Variants in ZNF804B observed in about 807,000 individuals in gnomAD.
The protein encoded by ZNF804B is zinc finger protein 804B, also known as zinc finger 804B.
A neutral mutation model predicts 101.4 loss-of-function variants in ZNF804B; 80 were observed. The observed-to-expected ratio is 0.79, with a 90% CI of 0.66 to 0.95. The LOEUF (loss-of-function observed/expected upper bound fraction) is 0.95, where lower values mean the gene tolerates loss of function less well. Ranked by LOEUF, ZNF804B falls within the 40% of genes least tolerant of loss-of-function variation. The probability of loss-of-function intolerance (pLI) is 0.00; values close to 1 mark genes in which losing one functional copy is unlikely to be tolerated. For synonymous variants in ZNF804B, 622 were observed against 558.8 expected (o/e 1.11, Z -1.59); for missense variants, 1,673 against 1,561.9 (o/e 1.07, Z -1.20).
At chr7:89,142,686 G>A (rs1405121741) in intron 1 of ZNF804B, among the ~76,000 whole-genome samples, 1 of 152,022 alleles carries the variant, frequency 6.6e-6, no homozygotes. Flanking sequence ...CCATTCAGTG[G>A]AAAGTTAGTT....
chr7:89,130,785 A>G (rs1790535524), intron 1 of ZNF804B, among the ~76,000 whole-genome samples: 2 of 152,018 alleles, frequency 1.3e-5, no homozygotes, highest in African/African-American at 2.4e-5. Flanking sequence ...AATGACAGGA[A>G]TAACTAAGAA....
In ZNF804B at chr7:89,337,011, T is replaced by G; in HGVS notation, c.4029T>G (p.Asn1343Lys). ...TAAATGAAGTGAAAGAGGCCTTAAA[T>G]GTGTCCACACACTTGAACTAATAAG... is the stretch of plus-strand genomic sequence containing the variant. The part of the protein sequence containing the change: ...QQLNEVKEAL[N>K]VSTHLN Residue 1343 changes from asparagine (N) to lysine (K), a missense_variant, in exon 4 of 4, where the codon AAT (asparagine) becomes AAG (lysine). Coordinates refer to ENST00000333190, the MANE Select transcript of ZNF804B (RefSeq NM_181646.5). 1 of 1,613,944 alleles carries G rather than the reference T, an allele frequency of 6.2e-7. No individual in the cohort carries two copies. The highest frequency in any genetic ancestry group is 8.5e-7 in the Non-Finnish European group (1 of 1,179,918).
chr7:89,327,284 G>A (rs1306389282), intron 2 of ZNF804B, 60 bp from the exon 3 acceptor site: 13 of 1,474,158 alleles, frequency 8.8e-6, no homozygotes, highest in Non-Finnish European at 1.2e-5. Flanking sequence ...GGAGCCTTGT[G>A]GATGGAAAAG....
intron 1 of ZNF804B, among the ~76,000 whole-genome samples, chr7:88,878,166 T>C (rs35072247): frequency 0.063 from 9,581 of 152,172 alleles, 429 homozygotes; most frequent in South Asian, 0.16. Context: ...AACTTAAAAT[T>C]CTTCCACTGG....
chr7:88,770,361 A>G (rs1459848817), intron 1 of ZNF804B, among the ~76,000 whole-genome samples: 1 of 152,158 alleles, frequency 6.6e-6, no homozygotes, highest in East Asian at 1.9e-4. Flanking sequence ...TGAGGATGCT[A>G]TGCTTCTAGG....
rs1170209460 is a variant in ZNF804B at position 88,875,743 on chromosome 7, TG to T, written c.108+115661del. 2.0e-5 allele frequency among the ~76,000 whole-genome samples: 3 copies of T among 152,144 alleles called. No homozygotes were observed. The East Asian group carries it at 5.8e-4, about 29-fold the overall frequency. ...TTCTACCAGAGGTACAAGGAGGAAC[TG>T]GTACCATTCCATCTGAAACTATTCC... is the stretch of plus-strand genomic sequence containing the variant. On this transcript the variant is annotated intron_variant, in intron 1 of 3. Transcript: ENST00000333190.
intron 1 of ZNF804B, among the ~76,000 whole-genome samples, chr7:88,917,435 A>G (rs1430684488): frequency 6.6e-6 from 1 of 152,192 alleles, no homozygotes; most frequent in Non-Finnish European, 1.5e-5. Context: ...CAGAAAATAC[A>G]GTTAAACATT....
chr7:88,833,773 T>C (rs1329996096), intron 1 of ZNF804B, among the ~76,000 whole-genome samples: 1 of 151,936 alleles, frequency 6.6e-6, no homozygotes, highest in East Asian at 1.9e-4. Flanking sequence ...GGTGAGGAAA[T>C]TGAGAACCAG....
chr7:88,928,149 A>G (rs1056014918), intron 1 of ZNF804B, among the ~76,000 whole-genome samples: 5 of 152,136 alleles, frequency 3.3e-5, no homozygotes, highest in African/African-American at 1.2e-4. Flanking sequence ...AGCCTTTGGT[A>G]CGGTCCTTTA....
chr7:88,824,394 A>G (rs1791026553), intron 1 of ZNF804B, among the ~76,000 whole-genome samples: 1 of 152,154 alleles, frequency 6.6e-6, no homozygotes. Context: ...CATGTGAAGA[A>G]GGACATGCTT....
At chr7:89,199,984 CAT>C (rs559652559) in intron 1 of ZNF804B, among the ~76,000 whole-genome samples, 104 of 148,886 alleles carry the variant, frequency 7.0e-4, no homozygotes, top group African/African-American at 2.3e-3. Flanking sequence ...CTATAATATA[CAT>C]ATATATATTT....
chr7:89,308,888 C>T (rs1790607875), intron 2 of ZNF804B, among the ~76,000 whole-genome samples: 2 of 152,120 alleles, frequency 1.3e-5, no homozygotes, highest in Admixed American at 1.3e-4. Context: ...CAGATTTGGC[C>T]CATGGGTCTT....
chr7:88,848,138 G>A (rs561250152), intron 1 of ZNF804B, among the ~76,000 whole-genome samples: 79 of 152,302 alleles, frequency 5.2e-4, no homozygotes, highest in African/African-American at 1.9e-3. Context: ...GAACAGGGAT[G>A]CTGCTATAAC....
At chr7:89,151,641 G>A (rs1418642474) in intron 1 of ZNF804B, among the ~76,000 whole-genome samples, 1 of 151,300 alleles carries the variant, frequency 6.6e-6, no homozygotes. Flanking sequence ...ACATATTCAG[G>A]AATATAAAAT....
chr7:89,016,613 G>C (rs1005227989), intron 1 of ZNF804B, among the ~76,000 whole-genome samples: 1 of 149,772 alleles, frequency 6.7e-6, no homozygotes, highest in African/African-American at 2.5e-5. Context: ...CCCATTGCTT[G>C]TTTTTCTCAG....
intron 1 of ZNF804B, among the ~76,000 whole-genome samples, chr7:88,914,121 T>C (rs1218277866): frequency 6.6e-6 from 1 of 152,160 alleles, no homozygotes; most frequent in African/African-American, 2.4e-5. Context: ...TGCTTATCTA[T>C]CCCTTTGCAA....
At chr7:88,760,885 A>G (rs1562786454) in intron 1 of ZNF804B, among the ~76,000 whole-genome samples, 1 of 122,526 alleles carries the variant, frequency 8.2e-6, no homozygotes, top group East Asian at 2.2e-4. Context: ...TGTGTAATTT[A>G]TATATATATA....
At chr7:89,279,071 C>T (rs1295332872) in intron 2 of ZNF804B, among the ~76,000 whole-genome samples, 1 of 152,078 alleles carries the variant, frequency 6.6e-6, no homozygotes, top group African/African-American at 2.4e-5. Flanking sequence ...CTTCACATCC[C>T]TTGTAAGGTG....
chr7:89,270,082 A>G (rs191385387), intron 2 of ZNF804B, among the ~76,000 whole-genome samples: 68 of 152,110 alleles, frequency 4.5e-4, no homozygotes, highest in Admixed American at 1.8e-3. Flanking sequence ...GATCCCATTC[A>G]TCAGTTTTGG....
Sources: gnomAD v4.1 joint callset for allele counts (sites outside exome capture counted in the v4.1 genomes callset) on GRCh38, gnomAD v4.1.1 for gene constraint, MANE v1.5 for transcripts, NCBI Gene and HGNC (gene_info 2026-07-23, HGNC 2026-07-21) for gene names.